The following STAU1 variants were observed in gnomAD, a reference collection of about 807,000 sequenced individuals.
STAU1 encodes the protein double-stranded RNA-binding protein Staufen homolog 1.
STAU1 carries 13 observed loss-of-function variants against 62.9 expected under a neutral mutation model. The ratio of observed to expected loss-of-function variants is 0.21; its 90% CI spans 0.13 to 0.33. The LOEUF (loss-of-function observed/expected upper bound fraction) is 0.33, where lower values mean the gene tolerates loss of function less well. STAU1 is among the 10% of genes least tolerant of loss of function. The pLI, the probability that STAU1 is intolerant of heterozygous loss-of-function variation, is 1.00. For synonymous variants in STAU1, 269 were observed against 265.1 expected, an observed-to-expected ratio of 1.01 and a Z score of -0.14; for missense variants, 571 against 712.1, an observed-to-expected ratio of 0.80 and a Z score of 2.25.
chr20:49,212,144 C>T, the STAU1 span, among the ~76,000 whole-genome samples: 1 of 152,084 alleles, frequency 6.6e-6, no homozygotes, highest in African/African-American at 2.4e-5. Flanking sequence ...TACATACCAC[C>T]ATGCCTGGCT....
At chr20:49,137,448 C>T (rs1398459502) in intron 5 of STAU1, among the ~76,000 whole-genome samples, 1 of 152,020 alleles carries the variant, frequency 6.6e-6, no homozygotes, top group Non-Finnish European at 1.5e-5. Context: ...TAGATAAGCT[C>T]AAAGCTTATC....
chr20:49,210,645 A>G, the STAU1 span, among the ~76,000 whole-genome samples: 1 of 152,144 alleles, frequency 6.6e-6, no homozygotes, highest in Admixed American at 6.6e-5. Flanking sequence ...TGTTTGAATT[A>G]CTGTTAACAG....
chr20:49,183,078 T>C (rs760796353), intron 1 of STAU1, among the ~76,000 whole-genome samples: 2 of 152,190 alleles, frequency 1.3e-5, no homozygotes, highest in Non-Finnish European at 1.5e-5. Context: ...GTATACAGCC[T>C]TGACTCTGGT....
intron 1 of STAU1, among the ~76,000 whole-genome samples, chr20:49,180,208 C>T (rs1369518881): frequency 6.6e-6 from 1 of 152,182 alleles, no homozygotes; most frequent in Non-Finnish European, 1.5e-5. Flanking sequence ...ACAACCAGCA[C>T]CTATCCTATA....
chr20:49,206,717 TTTTATATATA>T, the STAU1 span, among the ~76,000 whole-genome samples: 4 of 45,146 alleles, frequency 8.9e-5, no homozygotes, highest in East Asian at 6.5e-4. Context: ...TTAAATGAAA[TTTTATATATA>T]TATATATATA....
intron 4 of STAU1, 58 bp from the exon 5 acceptor site, chr20:49,151,805 ACT>A (rs2093255918): frequency 4.8e-6 from 7 of 1,465,132 alleles, no homozygotes; most frequent in Admixed American, 2.4e-5. Flanking sequence ...TCACCTATAC[ACT>A]CTCTGGCAAA....
chr20:49,124,296 G>A (rs1266524310), intron 7 of STAU1, 79 bp downstream of exon 7: 3 of 1,472,140 alleles, frequency 2.0e-6, no homozygotes, highest in Admixed American at 1.8e-5. Flanking sequence ...TTTCACCTTG[G>A]GGACAGCGAC....
chr20:49,135,619 T>C (rs1442523208), intron 6 of STAU1, among the ~76,000 whole-genome samples: 2 of 152,160 alleles, frequency 1.3e-5, no homozygotes, highest in African/African-American at 4.8e-5. Flanking sequence ...GAAGCCATCA[T>C]GAACTCTCTA....
At chr20:49,119,313 G>C (rs957360744) in intron 9 of STAU1, among the ~76,000 whole-genome samples, 1 of 152,008 alleles carries the variant, frequency 6.6e-6, no homozygotes, top group Non-Finnish European at 1.5e-5. Flanking sequence ...TTGTAGCTCG[G>C]GCTACAGGTA....
rs370458845 is a variant in STAU1, at chr20:49,146,845, CAG to C, written c.510+4735_510+4736del. Among the ~76,000 whole-genome samples, 24 of 152,172 alleles carry C rather than the reference CAG, an allele frequency of 1.6e-4. No individual in the cohort carries two copies. In the East Asian group the frequency reaches 2.5e-3, roughly 16 times the overall value. On this transcript the variant is annotated intron_variant, in intron 5 of 13. Transcript: ENST00000371856. The stretch of plus-strand genomic sequence containing the variant: ...ATATGAGATATCTCACTCTGGTACT[CAG>C]GGGATAAACGTAGCCAAGTTTTTAA...
intron 6 of STAU1, among the ~76,000 whole-genome samples, chr20:49,131,380 G>A (rs940537721): frequency 1.3e-5 from 2 of 152,168 alleles, no homozygotes; most frequent in Admixed American, 1.3e-4. Flanking sequence ...CAGTACTATA[G>A]CAATGCTAAA....
intron 5 of STAU1, among the ~76,000 whole-genome samples, chr20:49,138,066 C>T (rs2092928805): frequency 1.3e-5 from 2 of 152,158 alleles, no homozygotes; most frequent in South Asian, 4.1e-4. Flanking sequence ...GGGTGGATTG[C>T]TTATGCCCAG....
the STAU1 span, among the ~76,000 whole-genome samples, chr20:49,200,668 C>G: frequency 1.3e-5 from 2 of 151,850 alleles, no homozygotes; most frequent in African/African-American, 4.8e-5. Context: ...TTAATTGCAT[C>G]TCTCTAGGTG....
upstream of STAU1, among the ~76,000 whole-genome samples, chr20:49,191,290 G>A (rs1328501815): frequency 1.3e-5 from 2 of 152,124 alleles, no homozygotes; most frequent in Non-Finnish European, 2.9e-5. Context: ...GCCTCCCAAG[G>A]TGCTGGGATT....
chr20:49,114,969 A>C (rs2092277924), intron 13 of STAU1, 76 bp from the exon 14 acceptor site: 1 of 1,499,952 alleles, frequency 6.7e-7, no homozygotes, highest in Non-Finnish European at 9.2e-7. Context: ...AATGAAAAGA[A>C]ATTGGCAAAC....
At chr20:49,143,820 A>T (rs2093062329) in intron 5 of STAU1, among the ~76,000 whole-genome samples, 1 of 152,226 alleles carries the variant, frequency 6.6e-6, no homozygotes. Flanking sequence ...CCAGCTTCTT[A>T]TCCCAATGTT....
chr20:49,213,386 A>G, the STAU1 span, among the ~76,000 whole-genome samples: 1 of 151,916 alleles, frequency 6.6e-6, no homozygotes, highest in Non-Finnish European at 1.5e-5. Context: ...GTGGGCCACC[A>G]ACCCGGCTAA....
intron 5 of STAU1, among the ~76,000 whole-genome samples, chr20:49,147,975 A>G (rs2093163975): frequency 6.6e-6 from 1 of 152,238 alleles, no homozygotes; most frequent in South Asian, 2.1e-4. Context: ...CGCAAGTGGT[A>G]AATTTATAAA....
intron 5 of STAU1, among the ~76,000 whole-genome samples, chr20:49,148,709 G>A (rs899131190): frequency 4.6e-5 from 7 of 152,172 alleles, no homozygotes; most frequent in Admixed American, 6.5e-5. Context: ...CATAGGACCC[G>A]GTGAAAACTC....
Sources: allele counts gnomAD v4.1 joint callset (sites outside exome capture counted in the v4.1 genomes callset), GRCh38; gene constraint gnomAD v4.1.1; transcripts MANE v1.5; gene names NCBI Gene and HGNC (gene_info 2026-07-23, HGNC 2026-07-21).